Variants in MAST4 observed in about 807,000 individuals in gnomAD.
MAST4 encodes the protein microtubule associated serine/threonine kinase family member 4.
Under a neutral mutation model 162.7 loss-of-function variants are expected in MAST4, and 89 were observed. That is an observed-to-expected ratio of 0.55 (90% CI 0.46 to 0.65). The LOEUF (loss-of-function observed/expected upper bound fraction) is 0.65. Ranked by LOEUF, MAST4 falls within the 30% of genes least tolerant of loss-of-function variation. The pLI is 0.00. For synonymous variants in MAST4, 1,479 were observed against 1,361.1 expected, an observed-to-expected ratio of 1.09 and a Z score of -1.91; for missense variants, 3,153 against 3,374.0, an observed-to-expected ratio of 0.93 and a Z score of 1.62.
At chr5:66,945,377 T>C (rs1323854025) in intron 4 of MAST4, among the ~76,000 whole-genome samples, 1 of 152,134 alleles carries the variant, frequency 6.6e-6, no homozygotes, top group Non-Finnish European at 1.5e-5. Flanking sequence ...ATGAACATAT[T>C]TCCCCACGGA....
chr5:66,683,798 A>AAAT (rs1398658806), intron 1 of MAST4, among the ~76,000 whole-genome samples: 1 of 152,192 alleles, frequency 6.6e-6, no homozygotes, highest in African/African-American at 2.4e-5. Flanking sequence ...TCTAGCTCTG[A>AAAT]AATAACCAGT....
intron 5 of MAST4, among the ~76,000 whole-genome samples, chr5:67,081,386 T>C (rs1762634704): frequency 6.6e-6 from 1 of 151,938 alleles, no homozygotes; most frequent in Non-Finnish European, 1.5e-5. Flanking sequence ...TAATGCTGTT[T>C]TGAGAATACT....
chr5:66,742,247 G>C (rs992867984), intron 1 of MAST4, among the ~76,000 whole-genome samples: 2 of 152,140 alleles, frequency 1.3e-5, no homozygotes, highest in African/African-American at 4.8e-5. Flanking sequence ...GCCCGAGTCT[G>C]TTTTCAGAGT....
Position 66,597,025 on chromosome 5 carries a change from C to A in MAST4, c.363+7C>A. On this transcript the variant is annotated splice_region_variant and intron_variant, in intron 1 of 28. Coordinates refer to ENST00000403625, the MANE Select transcript of MAST4 (RefSeq NM_001164664.2). ...GGAGGAGCAGGACGAGGAGGTGGGC[C>A]TTTCCCCAGCTTGCCCACTCTGGGT... The A allele has an allele frequency of 7.0e-7, 1 of 1,423,432 alleles. No individual in the cohort carries two copies. Among genetic ancestry groups the A allele is most frequent in the Non-Finnish European group, 9.1e-7 (1 of 1,096,400 alleles). The allele number at this position is 1,423,432 out of a possible 1,614,324, so 88.2% of individuals were successfully genotyped here.
intron 14 of MAST4, 42 bp downstream of exon 14, chr5:67,121,144 C>A (rs771608938): frequency 2.1e-6 from 3 of 1,403,008 alleles, no homozygotes; most frequent in Admixed American, 1.9e-5. Flanking sequence ...TTTCTACACA[C>A]TCAAGTGATA....
chr5:66,883,609 A>G (rs757969953), intron 3 of MAST4, among the ~76,000 whole-genome samples: 5 of 151,706 alleles, frequency 3.3e-5, no homozygotes, highest in Non-Finnish European at 7.4e-5. Flanking sequence ...TTGTATTTTT[A>G]GTAGAGACAG....
intron 3 of MAST4, among the ~76,000 whole-genome samples, chr5:66,886,159 C>G (rs1762028209): frequency 6.6e-6 from 1 of 152,186 alleles, no homozygotes; most frequent in Non-Finnish European, 1.5e-5. Flanking sequence ...TCTGCCACCT[C>G]AACATTTTCA....
At chr5:66,754,572 A>C (rs1397968167) in intron 1 of MAST4, among the ~76,000 whole-genome samples, 1 of 152,210 alleles carries the variant, frequency 6.6e-6, no homozygotes, top group Non-Finnish European at 1.5e-5. Flanking sequence ...TTTAAAGTAC[A>C]TATCAGAGAT....
intron 4 of MAST4, among the ~76,000 whole-genome samples, chr5:66,935,305 G>C (rs1427631548): frequency 6.6e-6 from 1 of 152,150 alleles, no homozygotes; most frequent in Non-Finnish European, 1.5e-5. Flanking sequence ...ATACTATGTG[G>C]TATGATGTTT....
At chr5:66,700,973 A>G (rs868633794) in intron 1 of MAST4, among the ~76,000 whole-genome samples, 1 of 152,032 alleles carries the variant, frequency 6.6e-6, no homozygotes, top group Non-Finnish European at 1.5e-5. Flanking sequence ...CTGTTTGCAA[A>G]TATGTTTTTA....
chr5:66,986,612 A>G (rs1485580976), intron 4 of MAST4: 1 of 241,882 alleles, frequency 4.1e-6, no homozygotes, highest in Admixed American at 6.7e-5. Flanking sequence ...ATATATATAT[A>G]TATATATTTA....
intron 4 of MAST4, among the ~76,000 whole-genome samples, chr5:67,030,902 A>T (rs1755230396): frequency 6.6e-6 from 1 of 152,116 alleles, no homozygotes; most frequent in African/African-American, 2.4e-5. Flanking sequence ...ATGCCAATTA[A>T]CTGTTATGGT....
intron 4 of MAST4, among the ~76,000 whole-genome samples, chr5:67,024,357 A>G (rs1754367892): frequency 6.7e-6 from 1 of 149,648 alleles, no homozygotes; most frequent in African/African-American, 2.5e-5. Context: ...ACACACATAC[A>G]TATAGATAGC....
chr5:66,936,051 G>C (rs1319372943), intron 4 of MAST4, among the ~76,000 whole-genome samples: 1 of 152,130 alleles, frequency 6.6e-6, no homozygotes, highest in Non-Finnish European at 1.5e-5. Context: ...TATTTAGCCT[G>C]TCCAGGGTCT....
intron 3 of MAST4, among the ~76,000 whole-genome samples, chr5:66,827,764 A>G (rs1251688436): frequency 6.6e-6 from 1 of 152,234 alleles, no homozygotes; most frequent in Non-Finnish European, 1.5e-5. Context: ...TCGTTCTTAG[A>G]CAAAGTACAG....
intron 4 of MAST4, among the ~76,000 whole-genome samples, chr5:66,982,118 T>A (rs2150242800): frequency 6.6e-6 from 1 of 152,322 alleles, no homozygotes; most frequent in Middle Eastern, 3.4e-3. Context: ...GTCCGGAGTC[T>A]TACAAACTAG....
chr5:67,072,239 T>C (rs985774501), intron 5 of MAST4, among the ~76,000 whole-genome samples: 1 of 152,212 alleles, frequency 6.6e-6, no homozygotes. Context: ...TTACTGTGAA[T>C]TTTTGGGATT....
At chr5:66,873,257 C>T (rs1008726801) in intron 3 of MAST4, among the ~76,000 whole-genome samples, 8 of 152,144 alleles carry the variant, frequency 5.3e-5, no homozygotes, top group African/African-American at 1.9e-4. Context: ...CCTTAGGAAG[C>T]CATAGGAGAA....
At chr5:66,941,502 A>G (rs754641074) in intron 4 of MAST4, among the ~76,000 whole-genome samples, 2 of 152,114 alleles carry the variant, frequency 1.3e-5, no homozygotes, top group Non-Finnish European at 2.9e-5. Flanking sequence ...GAGAATTAAG[A>G]CTTTGCTCTA....
Sources: gnomAD v4.1 joint callset for allele counts (sites outside exome capture counted in the v4.1 genomes callset) on GRCh38, gnomAD v4.1.1 for gene constraint, MANE v1.5 for transcripts, NCBI Gene and HGNC (gene_info 2026-07-23, HGNC 2026-07-21) for gene names.